The following DNMT1 variants were observed in gnomAD, a reference collection of about 807,000 sequenced individuals.
The protein encoded by DNMT1 is DNA (cytosine-5)-methyltransferase 1.
Under a neutral mutation model 205.3 loss-of-function variants are expected in DNMT1, and 24 were observed. That is an observed-to-expected ratio of 0.12 (90% CI 0.08 to 0.16). The LOEUF is 0.16. Among genes scored for constraint, DNMT1 ranks in the 10% least tolerant of loss-of-function variants. The pLI, the probability that DNMT1 is intolerant of heterozygous loss-of-function variation, is 1.00. For synonymous variants in DNMT1, 817 were observed against 839.8 expected (o/e 0.97, Z 0.47); for missense variants, 1,293 against 2,177.7 (o/e 0.59, Z 8.09).
intron 9 of DNMT1, among the ~76,000 whole-genome samples, chr19:10,172,178 G>A (rs1431434100): frequency 1.3e-5 from 2 of 151,960 alleles, no homozygotes; most frequent in African/African-American, 2.4e-5. Flanking sequence ...CACTTTGGGA[G>A]GCCAAGGCAG....
At position 10,137,988 on chromosome 19, in the gene DNMT1, C is replaced by A. The variant is rs1243858519; in HGVS notation, c.4137G>T (p.Arg1379=). 6.2e-7 allele frequency: 1 copy of A among 1,611,198 alleles called. No individual in the cohort carries two copies. Among genetic ancestry groups the A allele is most frequent in the African/African-American group, 1.3e-5 (1 of 74,892 alleles). The change falls in exon 36 of 41, where the codon CGG becomes CGT. Residue 1379 remains arginine, a synonymous_variant. Coordinates refer to ENST00000359526, the MANE Select transcript of DNMT1 (RefSeq NM_001130823.3). This position sits in a 1 kb window ranked among gnomAD's most constrained non-coding sequence, Gnocchi z 6.4. ...NITRLSSGPF[R]TITVRDTMSD... is the part of the protein sequence containing the mutation. Reference sequence around the variant, plus strand: ...ACATCGTGTCTCGCACCGTGATGGTCCGGAAAGGACCCGAGCTCAACCTGC... The same window carrying A: ...ACATCGTGTCTCGCACCGTGATGGTACGGAAAGGACCCGAGCTCAACCTGC...
intron 10 of DNMT1, among the ~76,000 whole-genome samples, chr19:10,167,281 C>T (rs989101164): frequency 2.0e-5 from 3 of 151,846 alleles, no homozygotes; most frequent in Admixed American, 6.6e-5. Context: ...CTGCAACCAC[C>T]GCCTCCCGGG....
intron 37 of DNMT1, 134 bp downstream of exon 37, chr19:10,136,951 C>T (rs973996539): frequency 4.1e-6 from 5 of 1,225,164 alleles, no homozygotes; most frequent in Non-Finnish European, 5.8e-6. Flanking sequence ...ACATGGTCAG[C>T]AGCTACCTTC....
chr19:10,133,393 A>G lies in DNMT1; in HGVS notation c.*274T>C, dbSNP rs886054125. ...TGAAGAAATATTACAACATATAAAA[A>G]CTACATAAAGTCTTAATTTCCACTC... On this transcript the variant is annotated 3_prime_UTR_variant, in exon 41 of 41. Coordinates refer to ENST00000359526, the MANE Select transcript of DNMT1 (RefSeq NM_001130823.3). The surrounding 1 kb of genome is among the most constrained non-coding windows in gnomAD (Gnocchi z 4.1). 5.1e-4 allele frequency: 271 copies of G among 528,314 alleles called. 2 individuals are homozygous for G. In the East Asian group the frequency reaches 8.0e-3, roughly 16 times the overall value. 32.7% of individuals were successfully genotyped at this position (528,314 alleles called of 1,614,324 possible).
chr19:10,134,233 G>A lies in DNMT1; in HGVS notation c.4848C>T (p.Ala1616=). Residue 1616 remains alanine, a synonymous_variant, in exon 40 of 41, where the codon GCC becomes GCT. Transcript: ENST00000359526. ...CCACCATACCTGAGGCACTCTCTCG[G>A]GCTTTGGCCAACATACAAAGCTTGA... ...LEIKLCMLAK[A]RESASAKIKE... 6.2e-7 allele frequency: 1 copy of A among 1,614,184 alleles called. No homozygotes were observed. The highest frequency in any genetic ancestry group is 8.5e-7 in the Non-Finnish European group (1 of 1,180,052).
At chr19:10,166,436 C>CA (rs780901430) in intron 11 of DNMT1, among the ~76,000 whole-genome samples, 162 bp downstream of exon 11, 11 of 152,118 alleles carry the variant, frequency 7.2e-5, no homozygotes, top group Non-Finnish European at 1.6e-4. Context: ...TCCCGGCCCC[C>CA]AAAAGGAGGA....
At chr19:10,158,297 C>T (rs977187712) in intron 17 of DNMT1, among the ~76,000 whole-genome samples, 43 of 152,166 alleles carry the variant, frequency 2.8e-4, no homozygotes, top group South Asian at 4.1e-4. Context: ...GGGGGGCTAG[C>T]GGTTGCTGGT....
Position 10,133,599 on chromosome 19 carries a change from T to G in DNMT1, c.*68A>C. ...CATGTGAACGGACAGATTGACATGT[T>G]AAAAACACAACATCAGTGCATGTTG... is the stretch of plus-strand genomic sequence containing the variant. On this transcript the variant is annotated 3_prime_UTR_variant, in exon 41 of 41. Transcript: ENST00000359526. This position sits in a 1 kb window ranked among gnomAD's most constrained non-coding sequence, Gnocchi z 4.1. 12 of 1,540,962 alleles carry G rather than the reference T, an allele frequency of 7.8e-6. No homozygotes were observed. Among genetic ancestry groups the G allele is most frequent in the Non-Finnish European group, 1.1e-5 (12 of 1,133,540 alleles).
chr19:10,174,523 C>G (rs1025253086), intron 7 of DNMT1, among the ~76,000 whole-genome samples: 2 of 151,112 alleles, frequency 1.3e-5, no homozygotes, highest in African/African-American at 4.9e-5. Context: ...CTGGCCAACA[C>G]AGTGAAATCC....
At position 10,173,057 on chromosome 19, in the gene DNMT1, G is replaced by A. The variant is rs1433533792; in HGVS notation, c.768+33C>T. The A allele has an allele frequency of 1.9e-6, 3 of 1,612,714 alleles. No homozygotes were observed. The African/African-American group carries it at 4.0e-5, about 22-fold the overall frequency. On this transcript the variant is annotated intron_variant, in intron 9 of 40. Transcript: ENST00000359526. ...ATTGGGACCATATAGGATTAAGGGA[G>A]AATTAACAAACTTAGAGGTGATAGA...
chr19:10,180,003 A>AAAAGAAAG (rs766570728), intron 5 of DNMT1, 184 bp downstream of exon 5: 2 of 226,166 alleles, frequency 8.8e-6, no homozygotes, highest in African/African-American at 2.5e-5. Context: ...AAAAAAAAAA[A>AAAAGAAAG]AAAGAAAGAA....
Position 10,142,141 on chromosome 19 carries a change from C to T in DNMT1, c.3196G>A (p.Val1066Met), listed in dbSNP as rs187394074. ...CCCTGCACAGCCTTGAAGTCCACCA[C>T]GGCCTCCTCGTCGCTCCAGTAGAGC... The part of the protein sequence containing the change: ...NLLYWSDEEA[V>M]VDFKAVQGRC... Residue 1066 changes from valine (V) to methionine (M), a missense_variant, in exon 30 of 41, where the codon GTG becomes ATG. Physicochemically the swap from Val to Met is conservative, Grantham distance 21. This residue lies in a region of DNMT1 where 167 missense variants were observed against 258.1 expected (regional missense o/e 0.65). Coordinates refer to ENST00000359526, the MANE Select transcript of DNMT1 (RefSeq NM_001130823.3). 1.0e-4 allele frequency: 168 copies of T among 1,614,032 alleles called. 1 individual carries two copies. The East Asian group carries it at 3.2e-3, about 31-fold the overall frequency.
At chr19:10,175,679 G>T in intron 6 of DNMT1, 61 bp from the exon 7 acceptor site, 1 of 1,505,928 alleles carries the variant, frequency 6.6e-7, no homozygotes, top group Non-Finnish European at 9.2e-7. Flanking sequence ...CAGCTGGCCT[G>T]AAGTGGACCC....
At chr19:10,141,982 C>T in intron 30 of DNMT1, 46 bp downstream of exon 30, 1 of 1,605,506 alleles carries the variant, frequency 6.2e-7, no homozygotes, top group Non-Finnish European at 8.5e-7. Context: ...CTCCTTCTGG[C>T]CAACTTTGAC....
intron 17 of DNMT1, among the ~76,000 whole-genome samples, chr19:10,157,053 T>C (rs1331458061): frequency 6.6e-6 from 1 of 152,180 alleles, no homozygotes; most frequent in Non-Finnish European, 1.5e-5. Flanking sequence ...CAGTCAGACT[T>C]ACAGTGCGGG....
At position 10,135,183 on chromosome 19, in the gene DNMT1, A is replaced by C. The variant is rs529603050; in HGVS notation, c.4773+553T>G. On this transcript the variant is annotated intron_variant, in intron 39 of 40. Coordinates refer to ENST00000359526, the MANE Select transcript of DNMT1 (RefSeq NM_001130823.3). ...AGCTGAGATCACGCCACTTCACTCC[A>C]GCCTGGGCGAAAGAACAAAGCTCCA... Among the ~76,000 whole-genome samples, 19 of 146,924 alleles carry C rather than the reference A, an allele frequency of 1.3e-4. No homozygotes were observed. The South Asian group carries it at 3.9e-3, about 30-fold the overall frequency.
chr19:10,157,718 A>G (rs2038486821), intron 17 of DNMT1, among the ~76,000 whole-genome samples: 1 of 152,244 alleles, frequency 6.6e-6, no homozygotes, highest in African/African-American at 2.4e-5. Flanking sequence ...CGTACCAGGC[A>G]TGGCAGACAG....
intron 5 of DNMT1, among the ~76,000 whole-genome samples, chr19:10,178,102 C>G (rs2038969961): frequency 6.8e-6 from 1 of 147,860 alleles, no homozygotes; most frequent in South Asian, 2.2e-4. Context: ...ATTAAAAATA[C>G]AAAAATTAGC....
At position 10,146,260 on chromosome 19, in the gene DNMT1, T is replaced by A. The variant is rs1034551490; in HGVS notation, c.2894+91A>T. ...TAGGACAACAGCTGGTGCGGAGGGA[T>A]TGGCAATGTCTGTAAGGAGGGGGAC... On this transcript the variant is annotated intron_variant, in intron 28 of 40. Transcript: ENST00000359526. The surrounding 1 kb of genome is among the most constrained non-coding windows in gnomAD (Gnocchi z 4.4). 6.7e-7 allele frequency: 1 copy of A among 1,493,066 alleles called. No homozygotes were observed. The highest frequency in any genetic ancestry group is 9.2e-7 in the Non-Finnish European group (1 of 1,091,816). 92.5% of individuals were successfully genotyped at this position (1,493,066 alleles called of 1,614,324 possible).
Sources: gnomAD v4.1 joint callset for allele counts (sites outside exome capture counted in the v4.1 genomes callset) on GRCh38, gnomAD v4.1.1 for gene constraint, gnomAD v4.1.1 regional missense constraint, Gnocchi (gnomAD v3.1) non-coding constraint, MANE v1.5 for transcripts, NCBI Gene and HGNC (gene_info 2026-07-23, HGNC 2026-07-21) for gene names.